TBC1D30: variants seen among roughly 807,000 people sequenced by gnomAD.
The protein encoded by TBC1D30 is TBC1 domain family member 30.
In TBC1D30, 31 loss-of-function variants were observed where a neutral mutation model predicts 63.2. The ratio of observed to expected loss-of-function variants is 0.49; its 90% CI spans 0.37 to 0.66. The LOEUF is 0.66. Ranked by LOEUF, TBC1D30 falls within the 30% of genes least tolerant of loss-of-function variation. The pLI is 0.00. For missense variants in TBC1D30, 810 were observed against 953.6 expected (o/e 0.85, Z 1.98); for synonymous variants, 307 against 361.5 (o/e 0.85, Z 1.71).
chr12:64,844,257 G>C (rs546914320), intron 8 of TBC1D30, among the ~76,000 whole-genome samples: 11 of 152,262 alleles, frequency 7.2e-5, no homozygotes, highest in Non-Finnish European at 1.2e-4. Flanking sequence ...GAAGGGTTTA[G>C]TTATTTTTTA....
At chr12:64,778,600 A>C (rs2136286042), upstream of TBC1D30, among the ~76,000 whole-genome samples, 1 of 127,428 alleles carries the variant, frequency 7.8e-6, no homozygotes, top group Admixed American at 9.3e-5. Context: ...TCAGTCACCC[A>C]GGCTGGAATG....
At chr12:64,861,522 C>G (rs1036851722) in intron 8 of TBC1D30, among the ~76,000 whole-genome samples, 10 of 152,242 alleles carry the variant, frequency 6.6e-5, no homozygotes, top group African/African-American at 2.4e-4. Context: ...CAGTCTTTCC[C>G]TTTTCTTTCT....
chr12:64,872,802 C>T (rs998207024), intron 11 of TBC1D30, among the ~76,000 whole-genome samples: 8 of 152,194 alleles, frequency 5.3e-5, no homozygotes, highest in South Asian at 2.1e-4. Flanking sequence ...AGGAACAAGT[C>T]ACATCTTACG....
chr12:64,776,948 T>C (rs1023885787), upstream of TBC1D30, among the ~76,000 whole-genome samples: 1 of 152,170 alleles, frequency 6.6e-6, no homozygotes, highest in African/African-American at 2.4e-5. Flanking sequence ...GCAAGGTTAA[T>C]TGAACATACA....
chr12:64,854,968 A>G (rs117753030), intron 8 of TBC1D30, among the ~76,000 whole-genome samples: 7,399 of 152,188 alleles, frequency 0.049, 235 homozygotes, highest in Non-Finnish European at 0.079. Context: ...TCTCTTTAGC[A>G]TTTCTTATAG....
At chr12:64,825,241 C>T (rs1173387244) in intron 1 of TBC1D30, 1 of 560,504 alleles carries the variant, frequency 1.8e-6, no homozygotes, top group Non-Finnish European at 2.8e-6. Context: ...CAGCGGCCAC[C>T]CCAGGCGCGG....
chr12:64,849,104 C>T (rs1435027138), intron 8 of TBC1D30, among the ~76,000 whole-genome samples: 1 of 152,092 alleles, frequency 6.6e-6, no homozygotes, highest in African/African-American at 2.4e-5. Flanking sequence ...TATCCTTTGC[C>T]CACTTTTTGA....
At chr12:64,858,461 C>T (rs1257124522) in intron 8 of TBC1D30, among the ~76,000 whole-genome samples, 1 of 152,160 alleles carries the variant, frequency 6.6e-6, no homozygotes, top group African/African-American at 2.4e-5. Context: ...GGTTGTTATT[C>T]AGGGTCTTTA....
In TBC1D30 at chr12:64,877,812, C is replaced by T. The variant is rs1377662225; in HGVS notation, c.*2024C>T. ...TTTCTTTGCCCCTTCTCAAATGAGT[C>T]AGAATAGTCATGTTCCCCTTGAGGG... On this transcript the variant is annotated 3_prime_UTR_variant, in exon 12 of 12. Coordinates refer to ENST00000539867, the MANE Select transcript of TBC1D30 (RefSeq NM_015279.2). The T allele has an allele frequency of 6.6e-6, 1 of 152,298 alleles. No homozygotes were observed. Among genetic ancestry groups the T allele is most frequent in the African/African-American group, 2.4e-5 (1 of 41,440 alleles). The allele number at this position is 152,298 out of a possible 1,614,324, so 9.4% of individuals were successfully genotyped here. A position where few individuals can be genotyped will look rare whatever the true frequency, so the allele number is the denominator to read the frequency against.
upstream of TBC1D30, chr12:64,824,646 C>T (rs1023816442): frequency 6.2e-5 from 27 of 436,840 alleles, no homozygotes; most frequent in Admixed American, 8.4e-4. Flanking sequence ...TCTCCTGCCT[C>T]AGCCTTGCAG....
chr12:64,857,811 A>T (rs187268012), intron 8 of TBC1D30, among the ~76,000 whole-genome samples: 1 of 152,318 alleles, frequency 6.6e-6, no homozygotes, highest in African/African-American at 2.4e-5. Flanking sequence ...GTCTGGTTCA[A>T]ATGCCCCCTC....
Position 64,853,855 on chromosome 12 carries a change from G to T in TBC1D30, c.1038+10370G>T, listed in dbSNP as rs370307213. ...AACCAGTCTCAGTGAGATGAACGGG[G>T]TATCTCAGTTGGAAATGCAGAAATC... On this transcript the variant is annotated intron_variant, in intron 8 of 11. Transcript: ENST00000539867. Among the ~76,000 whole-genome samples, 3 of 152,308 alleles carry T rather than the reference G, an allele frequency of 2.0e-5. No individual in the cohort carries two copies. The East Asian group carries it at 5.8e-4, about 29-fold the overall frequency.
At chr12:64,831,432 G>A (rs1404764818) in intron 4 of TBC1D30, among the ~76,000 whole-genome samples, 1 of 152,076 alleles carries the variant, frequency 6.6e-6, no homozygotes, top group Non-Finnish European at 1.5e-5. Flanking sequence ...GTGAATTAAG[G>A]CAATGCACCT....
At chr12:64,777,826 C>T (rs1484814566), upstream of TBC1D30, among the ~76,000 whole-genome samples, 2 of 152,250 alleles carry the variant, frequency 1.3e-5, no homozygotes, top group South Asian at 4.1e-4. Context: ...GTGGTGCAAT[C>T]TCAGCTCCCT....
upstream of TBC1D30, among the ~76,000 whole-genome samples, chr12:64,823,335 T>C (rs1874006475): frequency 6.6e-6 from 1 of 152,230 alleles, no homozygotes; most frequent in Non-Finnish European, 1.5e-5. Flanking sequence ...AGTCATAATA[T>C]TGTGTTCTAT....
chr12:64,773,369 G>A (rs1438206406), intron 1 of TBC1D30, among the ~76,000 whole-genome samples: 5 of 152,222 alleles, frequency 3.3e-5, no homozygotes, highest in African/African-American at 9.6e-5. Flanking sequence ...GGCAGGGTGA[G>A]CTACCATCTT....
rs367559460 is a variant in TBC1D30, at chr12:64,839,156, G to T, written c.932+305G>T. 5.0e-4 allele frequency among the ~76,000 whole-genome samples: 76 copies of T among 152,306 alleles called. 1 individual carries two copies. The South Asian group carries it at 0.016, about 32-fold the overall frequency. Reference sequence around the variant, plus strand: ...GGGAAGAGGGAAAGGAACTTAGGTGGCAGAGAAACTGAAAGATCTGGTTAG... The same window carrying T: ...GGGAAGAGGGAAAGGAACTTAGGTGTCAGAGAAACTGAAAGATCTGGTTAG... On this transcript the variant is annotated intron_variant, in intron 7 of 11. Coordinates refer to ENST00000539867, the MANE Select transcript of TBC1D30 (RefSeq NM_015279.2).
At chr12:64,827,718 G>T in intron 1 of TBC1D30, 117 bp from the exon 2 acceptor site, 1 of 737,394 alleles carries the variant, frequency 1.4e-6, no homozygotes. Flanking sequence ...ATTTAGTAAA[G>T]ATACATACTT....
chr12:64,854,786 C>T (rs543353245), intron 8 of TBC1D30, among the ~76,000 whole-genome samples: 17 of 152,250 alleles, frequency 1.1e-4, no homozygotes, highest in African/African-American at 3.6e-4. Context: ...TGAGCCACCG[C>T]GCCTGGCCAT....
Sources: allele counts gnomAD v4.1 joint callset (sites outside exome capture counted in the v4.1 genomes callset), GRCh38; gene constraint gnomAD v4.1.1; transcripts MANE v1.5; gene names NCBI Gene and HGNC (gene_info 2026-07-23, HGNC 2026-07-21).